The following RBFOX1 variants were observed in gnomAD, a reference collection of about 807,000 sequenced individuals.
RBFOX1 encodes RNA binding protein fox-1 homolog 1.
Under a neutral mutation model 57.7 loss-of-function variants are expected in RBFOX1, and 8 were observed. The ratio of observed to expected loss-of-function variants is 0.14; its 90% CI spans 0.08 to 0.25. The LOEUF (loss-of-function observed/expected upper bound fraction) is 0.25, where lower values mean the gene tolerates loss of function less well. RBFOX1 is among the 10% of genes least tolerant of loss of function. The pLI is 1.00. For missense variants in RBFOX1, 611 were observed against 548.5 expected (o/e 1.11, Z -1.14); for synonymous variants, 326 against 222.4 (o/e 1.47, Z -4.15).
chr16:7,001,882 G>T (rs779973536), intron 3 of RBFOX1, among the ~76,000 whole-genome samples: 1 of 151,930 alleles, frequency 6.6e-6, no homozygotes, highest in African/African-American at 2.4e-5. Context: ...TTATTAAGTG[G>T]GGAGTCCCCA....
chr16:6,008,739 G>A (rs577541671), intron 4 of RBFOX1, among the ~76,000 whole-genome samples: 4 of 152,318 alleles, frequency 2.6e-5, no homozygotes, highest in South Asian at 4.1e-4. Flanking sequence ...AAAGAAGTGT[G>A]TTCAGATAAG....
At chr16:6,308,356 G>A (rs1399754893) in intron 1 of RBFOX1, among the ~76,000 whole-genome samples, 1 of 152,218 alleles carries the variant, frequency 6.6e-6, no homozygotes, top group East Asian at 1.9e-4. Context: ...GAGCTTGCAA[G>A]CCATGTGTTG....
chr16:6,586,362 C>T (rs1270956655), intron 2 of RBFOX1, among the ~76,000 whole-genome samples: 1 of 152,192 alleles, frequency 6.6e-6, no homozygotes, highest in Non-Finnish European at 1.5e-5. Flanking sequence ...AAACCAGCAG[C>T]ATAAATGGAC....
At chr16:7,169,741 G>T (rs757871746) in intron 4 of RBFOX1, among the ~76,000 whole-genome samples, 2 of 152,136 alleles carry the variant, frequency 1.3e-5, no homozygotes, top group African/African-American at 4.8e-5. Flanking sequence ...TAATTCATCT[G>T]CCTTCTCCTC....
At chr16:7,486,991 C>T (rs2065577286) in intron 4 of RBFOX1, among the ~76,000 whole-genome samples, 1 of 152,146 alleles carries the variant, frequency 6.6e-6, no homozygotes, top group Admixed American at 6.5e-5. Flanking sequence ...CCTCTGCCTC[C>T]CGGGTTCAAG....
intron 1 of RBFOX1, among the ~76,000 whole-genome samples, chr16:6,052,566 C>T (rs1163882497): frequency 4.6e-5 from 7 of 151,850 alleles, no homozygotes; most frequent in Admixed American, 6.6e-5. Flanking sequence ...GGGCGGATCA[C>T]GAGGTCAGGA....
At chr16:7,678,692 A>G (rs892220021) in intron 14 of RBFOX1, among the ~76,000 whole-genome samples, 3 of 152,232 alleles carry the variant, frequency 2.0e-5, no homozygotes, top group Admixed American at 2.0e-4. Flanking sequence ...CATTTAAACA[A>G]TTAACAATAT....
chr16:7,504,692 G>C lies in RBFOX1; in HGVS notation c.28-13455G>C, dbSNP rs552539010. ...AAATGAGTTTATTACTCTAGCTCCT[G>C]TGGAGATGAAGTGAGATTATATATA... is the stretch of plus-strand genomic sequence containing the variant. On this transcript the variant is annotated intron_variant, in intron 4 of 15. Transcript: ENST00000550418. Among the ~76,000 whole-genome samples the C allele has an allele frequency of 4.4e-4, 55 of 124,700 alleles. 1 individual carries two copies. The Middle Eastern group carries it at 0.019, about 44-fold the overall frequency. The allele number at this position is 124,700 out of a possible 152,430, so 81.8% of individuals were successfully genotyped here. A position where few individuals can be genotyped will look rare whatever the true frequency, so the allele number is the denominator to read the frequency against.
chr16:6,926,753 G>T (rs959262737), intron 3 of RBFOX1, among the ~76,000 whole-genome samples: 1 of 152,170 alleles, frequency 6.6e-6, no homozygotes, highest in East Asian at 1.9e-4. Flanking sequence ...ACTTCTTGGA[G>T]ACTGAACTTT....
chr16:6,552,049 C>T (rs1183323544), intron 2 of RBFOX1, among the ~76,000 whole-genome samples: 1 of 152,204 alleles, frequency 6.6e-6, no homozygotes, highest in Non-Finnish European at 1.5e-5. Context: ...TTCCATGCCT[C>T]CCACCTTTGC....
At chr16:6,368,721 T>C (rs1029835658) in intron 2 of RBFOX1, among the ~76,000 whole-genome samples, 5 of 152,236 alleles carry the variant, frequency 3.3e-5, no homozygotes, top group Admixed American at 2.0e-4. Flanking sequence ...ATTAGTCATA[T>C]GTACCAGTCC....
chr16:6,271,236 C>G (rs758748669), intron 1 of RBFOX1, among the ~76,000 whole-genome samples: 1 of 152,056 alleles, frequency 6.6e-6, no homozygotes, highest in South Asian at 2.1e-4. Flanking sequence ...CCAGTCTGGC[C>G]AACATGGTGA....
chr16:5,495,378 C>G (rs1311822295), intron 2 of RBFOX1, among the ~76,000 whole-genome samples: 1 of 152,182 alleles, frequency 6.6e-6, no homozygotes, highest in Non-Finnish European at 1.5e-5. Context: ...TTTAAACAAC[C>G]AGATCTCGGG....
At chr16:7,250,826 C>A (rs1603447682) in intron 4 of RBFOX1, among the ~76,000 whole-genome samples, 1 of 152,232 alleles carries the variant, frequency 6.6e-6, no homozygotes, top group East Asian at 1.9e-4. Context: ...TACTCTGTTT[C>A]CTTCTTTTAG....
At chr16:5,538,784 G>T (rs1355122400) in intron 2 of RBFOX1, among the ~76,000 whole-genome samples, 1 of 151,940 alleles carries the variant, frequency 6.6e-6, no homozygotes, top group African/African-American at 2.4e-5. Flanking sequence ...GCACCACCAT[G>T]CCCAGCTAAT....
At chr16:6,101,322 A>G (rs2096305039) in intron 1 of RBFOX1, among the ~76,000 whole-genome samples, 1 of 152,146 alleles carries the variant, frequency 6.6e-6, no homozygotes, top group South Asian at 2.1e-4. Context: ...AGACAGTTGT[A>G]AAAACCACAG....
intron 2 of RBFOX1, among the ~76,000 whole-genome samples, chr16:6,369,550 G>A (rs535432616): frequency 6.6e-6 from 1 of 152,238 alleles, no homozygotes; most frequent in Admixed American, 6.5e-5. Context: ...AAAGTTGTTG[G>A]GAGTGAAGAG....
intron 11 of RBFOX1, among the ~76,000 whole-genome samples, chr16:7,636,628 T>C (rs1430100415): frequency 6.6e-6 from 1 of 152,216 alleles, no homozygotes; most frequent in Non-Finnish European, 1.5e-5. Context: ...GAGCAAGTTT[T>C]GTTTTGCACT....
chr16:5,420,002 C>G (rs548002129), intron 1 of RBFOX1, among the ~76,000 whole-genome samples: 1 of 152,256 alleles, frequency 6.6e-6, no homozygotes, highest in South Asian at 2.1e-4. Flanking sequence ...GATATTGTGA[C>G]TTGGGCCTGT....
Sources: allele counts gnomAD v4.1 joint callset (sites outside exome capture counted in the v4.1 genomes callset), GRCh38; gene constraint gnomAD v4.1.1; transcripts MANE v1.5; gene names NCBI Gene and HGNC (gene_info 2026-07-23, HGNC 2026-07-21).